GOLT1B: variants seen among roughly 807,000 people sequenced by gnomAD.
The protein encoded by GOLT1B is golgi transport 1B.
In GOLT1B, 3 loss-of-function variants were observed where a neutral mutation model predicts 15.4. The observed-to-expected ratio is 0.19, with a 90% CI of 0.09 to 0.50. GOLT1B has a LOEUF of 0.50. Ranked by LOEUF, GOLT1B falls within the 20% of genes least tolerant of loss-of-function variation. GOLT1B has a pLI of 0.97. For synonymous variants in GOLT1B, 65 were observed against 56.2 expected, an observed-to-expected ratio of 1.16 and a Z score of -0.70; for missense variants, 145 against 160.4, an observed-to-expected ratio of 0.90 and a Z score of 0.52.
intron 4 of GOLT1B, 60 bp from the exon 5 acceptor site, chr12:21,515,609 A>G (rs750589910): frequency 1.2e-6 from 1 of 834,066 alleles, no homozygotes; most frequent in Non-Finnish European, 2.0e-6. Context: ...TTAAATATTG[A>G]TATAATGTTT....
At chr12:21,504,340 A>G (rs894456082) in intron 1 of GOLT1B, among the ~76,000 whole-genome samples, 2 of 152,166 alleles carry the variant, frequency 1.3e-5, no homozygotes, top group African/African-American at 4.8e-5. Context: ...GATAGGGAAA[A>G]GGGGGATCCT....
chr12:21,508,168 A>G, intron 2 of GOLT1B: 2 of 532,302 alleles, frequency 3.8e-6, no homozygotes, highest in Non-Finnish European at 3.3e-6. Context: ...TAGAAGAGGA[A>G]TGAGACAAGT....
chr12:21,504,836 A>T (rs1002319432), intron 1 of GOLT1B, among the ~76,000 whole-genome samples: 1 of 152,250 alleles, frequency 6.6e-6, no homozygotes, highest in Non-Finnish European at 1.5e-5. Context: ...TGGCTATGTT[A>T]GATAACAAGC....
intron 1 of GOLT1B, 112 bp downstream of exon 1, chr12:21,502,060 C>T (rs1189176040): frequency 5.0e-6 from 4 of 799,634 alleles, no homozygotes; most frequent in Non-Finnish European, 8.8e-6. Flanking sequence ...GGGCGGTGGC[C>T]TGCGAGACAG....
chr12:21,508,236 G>A (rs1943693090), intron 2 of GOLT1B, 147 bp from the exon 3 acceptor site: 1 of 602,506 alleles, frequency 1.7e-6, no homozygotes. Context: ...CTGCTTGGTT[G>A]TACATTACAG....
intron 2 of GOLT1B, chr12:21,507,880 T>C (rs534233987): frequency 2.3e-6 from 1 of 442,442 alleles, no homozygotes; most frequent in East Asian, 7.1e-5. Context: ...ACTAGAATCT[T>C]CTTGGCTTCA....
At position 21,517,452 on chromosome 12, in the gene GOLT1B, C is replaced by T. The variant is rs567298631; in HGVS notation, c.*1745C>T. On this transcript the variant is annotated 3_prime_UTR_variant, in exon 5 of 5. Transcript: ENST00000229314. ...GTCAAATACATACTTTGAGGATTGA[C>T]TTTATATAAGGTGCCCTGTAGAACT... 2.5e-4 allele frequency: 38 copies of T among 152,446 alleles called. No homozygotes were observed. Among genetic ancestry groups the T allele is most frequent in the African/African-American group, 8.9e-4 (37 of 41,536 alleles). 9.4% of individuals were successfully genotyped at this position (152,446 alleles called of 1,614,324 possible). A position where few individuals can be genotyped will look rare whatever the true frequency, so the allele number is the denominator to read the frequency against.
chr12:21,512,753 C>T lies in GOLT1B; in HGVS notation c.378+377C>T, dbSNP rs1943728889. 2.0e-5 allele frequency among the ~76,000 whole-genome samples: 3 copies of T among 152,060 alleles called. No homozygotes were observed. The South Asian group carries it at 6.2e-4, about 32-fold the overall frequency. On this transcript the variant is annotated intron_variant, in intron 4 of 4. Coordinates refer to ENST00000229314, the MANE Select transcript of GOLT1B (RefSeq NM_016072.5). ...TCCTACAAATATTTTGTTTCTCAGA[C>T]TGTATCACCAATAGACTAGATTCAG... is the stretch of plus-strand genomic sequence containing the variant.
chr12:21,507,268 G>C lies in GOLT1B; in HGVS notation c.117+292G>C, dbSNP rs1462018003. ...AATAGGAGTTCAAAATAGATGACTT[G>C]ATAGTTTCATGTCTTGATAAATCAC... On this transcript the variant is annotated intron_variant, in intron 2 of 4. Coordinates refer to ENST00000229314, the MANE Select transcript of GOLT1B (RefSeq NM_016072.5). 38 of 273,594 alleles carry C rather than the reference G, an allele frequency of 1.4e-4. No homozygotes were observed. In the Admixed American group the frequency reaches 1.9e-3, roughly 14 times the overall value. 16.9% of individuals were successfully genotyped at this position (273,594 alleles called of 1,614,324 possible).
intron 1 of GOLT1B, chr12:21,504,663 C>G (rs935786752): frequency 6.4e-6 from 3 of 468,326 alleles, no homozygotes; most frequent in African/African-American, 3.9e-5. Context: ...TGAATTACCT[C>G]TAGGTCCATG....
At chr12:21,505,798 G>A (rs947808613) in intron 1 of GOLT1B, among the ~76,000 whole-genome samples, 13 of 152,070 alleles carry the variant, frequency 8.5e-5, no homozygotes, top group Non-Finnish European at 1.5e-4. Flanking sequence ...CTTCTACTCT[G>A]ACTCATCTGT....
intron 3 of GOLT1B, among the ~76,000 whole-genome samples, chr12:21,510,970 C>G (rs1943715245): frequency 6.6e-6 from 1 of 152,126 alleles, no homozygotes; most frequent in South Asian, 2.1e-4. Flanking sequence ...GGGGGTTTTC[C>G]CGATATCGCA....
chr12:21,502,027 C>A, intron 1 of GOLT1B, 79 bp downstream of exon 1: 1 of 1,003,412 alleles, frequency 1.0e-6, no homozygotes, highest in Non-Finnish European at 1.6e-6. Context: ...CCGCCGGGGT[C>A]AATGAATGAA....
chr12:21,515,265 G>A lies in GOLT1B; in HGVS notation c.379-404G>A, dbSNP rs113759593. On this transcript the variant is annotated intron_variant, in intron 4 of 4. Transcript: ENST00000229314. ...TACATAGGCCCAGAAGAGATCCACA[G>A]TAATGGTCAGTTGAAATATCTTATT... 7.5e-5 allele frequency: 108 copies of A among 1,442,186 alleles called. 3 individuals carry two copies. In the African/African-American group the frequency reaches 1.0e-3, roughly 13 times the overall value. The allele number at this position is 1,442,186 out of a possible 1,614,324, so 89.3% of individuals were successfully genotyped here. A position where few individuals can be genotyped will look rare whatever the true frequency, so the allele number is the denominator to read the frequency against.
chr12:21,508,707 A>G, intron 3 of GOLT1B, 146 bp downstream of exon 3: 1 of 582,416 alleles, frequency 1.7e-6, no homozygotes, highest in South Asian at 2.2e-5. Flanking sequence ...ATTTAGATGA[A>G]GCAACTATAA....
chr12:21,503,388 C>T (rs1041488622), intron 1 of GOLT1B, among the ~76,000 whole-genome samples: 1 of 152,148 alleles, frequency 6.6e-6, no homozygotes, highest in Non-Finnish European at 1.5e-5. Flanking sequence ...GGTGTGCTGG[C>T]TCAGAAACCT....
At chr12:21,506,119 A>G (rs1379578380) in intron 1 of GOLT1B, among the ~76,000 whole-genome samples, 1 of 152,122 alleles carries the variant, frequency 6.6e-6, no homozygotes, top group African/African-American at 2.4e-5. Context: ...TTTGTTTTTT[A>G]ATGAAACTAA....
intron 1 of GOLT1B, among the ~76,000 whole-genome samples, chr12:21,502,192 G>A (rs1176314388): frequency 2.0e-5 from 3 of 152,180 alleles, no homozygotes; most frequent in East Asian, 1.9e-4. Flanking sequence ...GTTGGGAGGG[G>A]AGCTTTAGCC....
intron 1 of GOLT1B, among the ~76,000 whole-genome samples, chr12:21,503,084 A>G (rs1943649434): frequency 6.6e-6 from 1 of 152,176 alleles, no homozygotes; most frequent in South Asian, 2.1e-4. Context: ...TCTTGGGGCC[A>G]CCTGCCCCAA....
Sources: gnomAD v4.1 joint callset for allele counts (sites outside exome capture counted in the v4.1 genomes callset) on GRCh38, gnomAD v4.1.1 for gene constraint, MANE v1.5 for transcripts, NCBI Gene and HGNC (gene_info 2026-07-23, HGNC 2026-07-21) for gene names.